Variants in ASTN1 observed in about 807,000 individuals in gnomAD.
ASTN1 encodes the protein astrotactin-1.
Under a neutral mutation model 140.7 loss-of-function variants are expected in ASTN1, and 41 were observed. That is an observed-to-expected ratio of 0.29 (90% CI 0.23 to 0.38). ASTN1 has a LOEUF of 0.38. Ranked by LOEUF, ASTN1 falls within the 10% of genes least tolerant of loss-of-function variation. The pLI, the probability that ASTN1 is intolerant of heterozygous loss-of-function variation, is 1.00. For synonymous variants in ASTN1, 640 were observed against 652.2 expected (o/e 0.98, Z 0.29); for missense variants, 1,479 against 1,678.8 (o/e 0.88, Z 2.08).
At chr1:177,025,994 G>A (rs142096508) in intron 5 of ASTN1, among the ~76,000 whole-genome samples, 2 of 152,284 alleles carry the variant, frequency 1.3e-5, no homozygotes, top group East Asian at 1.9e-4. Context: ...GCAGATCCAG[G>A]TGAGGTTTCA....
At chr1:176,928,580 C>A (rs1464422816) in intron 16 of ASTN1, among the ~76,000 whole-genome samples, 2 of 151,986 alleles carry the variant, frequency 1.3e-5, no homozygotes. Flanking sequence ...CTAGCTCTTG[C>A]AGAGTAGGAA....
chr1:176,902,282 A>G (rs1202642478), intron 16 of ASTN1, among the ~76,000 whole-genome samples: 2 of 152,230 alleles, frequency 1.3e-5, no homozygotes, highest in Non-Finnish European at 2.9e-5. Flanking sequence ...CTGCCTCATG[A>G]AGCGTTGCCT....
At chr1:177,082,114 C>T (rs1558082271) in intron 1 of ASTN1, among the ~76,000 whole-genome samples, 1 of 152,092 alleles carries the variant, frequency 6.6e-6, no homozygotes. Context: ...TTTAAACGGA[C>T]CTTTCAGACA....
chr1:177,136,650 G>T (rs1047632722), intron 1 of ASTN1, among the ~76,000 whole-genome samples: 2 of 152,112 alleles, frequency 1.3e-5, no homozygotes, highest in African/African-American at 4.8e-5. Flanking sequence ...CACTGTGCCT[G>T]GCTGTGGTTT....
intron 16 of ASTN1, among the ~76,000 whole-genome samples, chr1:176,916,520 T>C (rs1271803870): frequency 2.6e-5 from 4 of 152,202 alleles, no homozygotes; most frequent in Non-Finnish European, 4.4e-5. Context: ...AGGTTTTCCA[T>C]GTATGTCTCC....
chr1:176,974,015 T>C (rs112514419), intron 8 of ASTN1, among the ~76,000 whole-genome samples: 14 of 152,368 alleles, frequency 9.2e-5, no homozygotes, highest in African/African-American at 3.1e-4. Context: ...AAAAACATGA[T>C]ATTGTTGAAC....
chr1:176,982,482 G>A (rs1015840933), intron 8 of ASTN1, among the ~76,000 whole-genome samples: 2 of 152,174 alleles, frequency 1.3e-5, no homozygotes, highest in Non-Finnish European at 2.9e-5. Flanking sequence ...GTCTGATTCA[G>A]TAGGTCTGGG....
chr1:176,964,290 C>A (rs934160277), intron 9 of ASTN1, among the ~76,000 whole-genome samples: 1 of 152,186 alleles, frequency 6.6e-6, no homozygotes, highest in Non-Finnish European at 1.5e-5. Flanking sequence ...CATGCAGTAG[C>A]TGAATTCATC....
At chr1:177,039,555 C>T (rs1014017520) in intron 2 of ASTN1, among the ~76,000 whole-genome samples, 4 of 152,130 alleles carry the variant, frequency 2.6e-5, no homozygotes, top group Non-Finnish European at 5.9e-5. Flanking sequence ...TTCTCAAGGT[C>T]CCTTCTGATC....
intron 2 of ASTN1, among the ~76,000 whole-genome samples, chr1:177,049,199 T>C (rs1677405186): frequency 6.6e-6 from 1 of 152,208 alleles, no homozygotes; most frequent in African/African-American, 2.4e-5. Flanking sequence ...ACTTACAAGT[T>C]CAGCTAGCCC....
At chr1:176,885,666 A>G (rs779572036) in intron 18 of ASTN1, among the ~76,000 whole-genome samples, 1 of 152,160 alleles carries the variant, frequency 6.6e-6, no homozygotes, top group Non-Finnish European at 1.5e-5. Context: ...CTAAGAATGA[A>G]TGACACCAAA....
At chr1:177,090,251 A>G (rs1161216021) in intron 1 of ASTN1, among the ~76,000 whole-genome samples, 1 of 151,696 alleles carries the variant, frequency 6.6e-6, no homozygotes, top group African/African-American at 2.4e-5. Context: ...TTTATCTAGT[A>G]TAGAGATTCA....
intron 16 of ASTN1, among the ~76,000 whole-genome samples, chr1:176,920,283 T>G (rs1670671948): frequency 6.6e-6 from 1 of 152,128 alleles, no homozygotes; most frequent in Non-Finnish European, 1.5e-5. Flanking sequence ...GTATGAACTC[T>G]GTTTAGACAG....
intron 20 of ASTN1, among the ~76,000 whole-genome samples, chr1:176,878,332 GT>G (rs973426609): frequency 1.4e-4 from 21 of 152,062 alleles, no homozygotes; most frequent in Admixed American, 6.6e-4. Context: ...CTGTTCCTGA[GT>G]TCTTATAAAT....
intron 22 of ASTN1, among the ~76,000 whole-genome samples, chr1:176,865,239 T>C (rs1031067370): frequency 6.6e-6 from 1 of 152,166 alleles, no homozygotes; most frequent in African/African-American, 2.4e-5. Context: ...ACCTGAGCCA[T>C]TGCAGATTCC....
chr1:176,939,972 T>C (rs992651436), intron 14 of ASTN1, among the ~76,000 whole-genome samples: 5 of 152,110 alleles, frequency 3.3e-5, no homozygotes, highest in African/African-American at 1.2e-4. Flanking sequence ...GATATATGTA[T>C]ATTGCCCCAA....
At chr1:176,970,994 A>G (rs1673119956) in intron 8 of ASTN1, among the ~76,000 whole-genome samples, 2 of 152,166 alleles carry the variant, frequency 1.3e-5, no homozygotes, top group Admixed American at 1.3e-4. Flanking sequence ...TGGTAGAAGC[A>G]TGGTTTCCAA....
At chr1:176,866,856 C>T (rs185321951) in intron 22 of ASTN1, among the ~76,000 whole-genome samples, 2 of 152,186 alleles carry the variant, frequency 1.3e-5, no homozygotes, top group Admixed American at 1.3e-4. Context: ...AGCCATAGAC[C>T]CTTTTCTACT....
chr1:177,159,066 C>CA (rs57759902), intron 1 of ASTN1, among the ~76,000 whole-genome samples: 7,700 of 74,052 alleles, frequency 0.1, 366 homozygotes, highest in Non-Finnish European at 0.16. Context: ...GGATCCATCT[C>CA]AAAAAAAAAA....
Sources: allele counts gnomAD v4.1 joint callset (sites outside exome capture counted in the v4.1 genomes callset), GRCh38; gene constraint gnomAD v4.1.1; transcripts MANE v1.5; gene names NCBI Gene and HGNC (gene_info 2026-07-23, HGNC 2026-07-21).